TNFAIP8: variants seen among roughly 807,000 people sequenced by gnomAD.
TNFAIP8 encodes the protein TNF alpha induced protein 8.
TNFAIP8 carries 7 observed loss-of-function variants against 13.3 expected under a neutral mutation model. The ratio of observed to expected loss-of-function variants is 0.52; its 90% confidence interval spans 0.30 to 0.99. The LOEUF (loss-of-function observed/expected upper bound fraction) is 0.99, where lower values mean the gene tolerates loss of function less well. Ranked by LOEUF, TNFAIP8 falls within the 50% of genes least tolerant of loss-of-function variation. The probability of loss-of-function intolerance (pLI) is 0.07; values close to 1 mark genes in which losing one functional copy is unlikely to be tolerated. For missense variants in TNFAIP8, 258 were observed against 236.9 expected (o/e 1.09, Z -0.58); for synonymous variants, 94 against 87.6 (o/e 1.07, Z -0.41).
At chr5:119,356,366 A>C (rs573979498) in intron 1 of TNFAIP8, among the ~76,000 whole-genome samples, 13 of 152,000 alleles carry the variant, frequency 8.6e-5, no homozygotes, top group African/African-American at 3.1e-4. Context: ...CCAGCCCACT[A>C]AGTCTGCTTT....
intron 1 of TNFAIP8, among the ~76,000 whole-genome samples, chr5:119,270,532 G>T (rs1748261261): frequency 6.6e-6 from 1 of 152,210 alleles, no homozygotes; most frequent in African/African-American, 2.4e-5. Flanking sequence ...GAGTAACTGG[G>T]ACTACAGGGG....
rs112600379 is a variant in TNFAIP8 at position 119,274,736 on chromosome 5, A to G, written c.1+5829A>G. On this transcript the variant is annotated intron_variant, in intron 1 of 1. Transcript: ENST00000274456. ...CTGTGGTGCTTATCACCTCCCTGGC[A>G]GGGAAGCTCTGCCCAGGTAGGGTAG... Among the ~76,000 whole-genome samples, 446 of 152,338 alleles carry G rather than the reference A, an allele frequency of 2.9e-3. 2 individuals are homozygous for G. The highest frequency in any genetic ancestry group is 0.01 in the African/African-American group (424 of 41,576).
chr5:119,372,686 A>T (rs147126805), intron 1 of TNFAIP8, among the ~76,000 whole-genome samples: 22 of 152,294 alleles, frequency 1.4e-4, no homozygotes, highest in Admixed American at 1.4e-3. Context: ...GTGGCTGGGC[A>T]CTATGGCTCA....
chr5:119,393,223 C>T lies in TNFAIP8; in HGVS notation c.439C>T (p.Leu147Phe). 6.2e-7 allele frequency: 1 copy of T among 1,614,020 alleles called. No individual in the cohort carries two copies. The highest frequency in any genetic ancestry group is 8.5e-7 in the Non-Finnish European group (1 of 1,179,896). The change falls in exon 2 of 2, where the codon CTC (leucine) becomes TTC (phenylalanine). Residue 147 changes from leucine to phenylalanine, a missense_variant. Transcript: ENST00000504771. ...GCTGCACCAAATCATTCAGCGCCACCTCACTGCCAAGTCACATGGACGGGT... is the reference window on the plus strand; with the variant it reads ...GCTGCACCAAATCATTCAGCGCCACTTCACTGCCAAGTCACATGGACGGGT... ...EMLHQIIQRH[L>F]TAKSHGRVNN...
At chr5:119,373,702 C>T (rs1752173706) in intron 1 of TNFAIP8, among the ~76,000 whole-genome samples, 1 of 152,150 alleles carries the variant, frequency 6.6e-6, no homozygotes, top group African/African-American at 2.4e-5. Flanking sequence ...AAATATGGTA[C>T]GTATGCCACT....
intron 1 of TNFAIP8, among the ~76,000 whole-genome samples, chr5:119,347,860 C>T (rs1305215042): frequency 6.6e-6 from 1 of 152,170 alleles, no homozygotes; most frequent in Non-Finnish European, 1.5e-5. Context: ...CATCAGTTGG[C>T]ACAATTGTTA....
chr5:119,336,232 G>A (rs1004900167), intron 1 of TNFAIP8, among the ~76,000 whole-genome samples: 1 of 152,190 alleles, frequency 6.6e-6, no homozygotes, highest in Admixed American at 6.5e-5. Context: ...CAAATGCAAC[G>A]TAGGCCAAAG....
At chr5:119,390,985 A>T (rs1580453251) in intron 1 of TNFAIP8, among the ~76,000 whole-genome samples, 1 of 137,546 alleles carries the variant, frequency 7.3e-6, no homozygotes, top group African/African-American at 2.7e-5. Flanking sequence ...CACCTGGCTA[A>T]TTTTTTTTTT....
At chr5:119,318,556 A>C (rs911437741) in intron 1 of TNFAIP8, among the ~76,000 whole-genome samples, 1 of 152,158 alleles carries the variant, frequency 6.6e-6, no homozygotes, top group Admixed American at 6.5e-5. Context: ...TCAGTCTCCC[A>C]AAATGCTGAG....
At chr5:119,311,552 G>A (rs1269400313) in intron 1 of TNFAIP8, among the ~76,000 whole-genome samples, 2 of 151,842 alleles carry the variant, frequency 1.3e-5, no homozygotes, top group African/African-American at 2.4e-5. Flanking sequence ...TTAACTGGGT[G>A]TGGTGGCGCA....
chr5:119,314,178 CAA>C (rs1749814602), intron 1 of TNFAIP8, among the ~76,000 whole-genome samples: 2 of 138,356 alleles, frequency 1.4e-5, no homozygotes, highest in East Asian at 4.5e-4. Context: ...TAAAAACAAA[CAA>C]ACAAACAAAC....
chr5:119,323,737 G>A (rs1023170200), intron 1 of TNFAIP8, among the ~76,000 whole-genome samples: 6 of 152,190 alleles, frequency 3.9e-5, no homozygotes, highest in African/African-American at 1.4e-4. Context: ...GCTGCCAGAT[G>A]GGGACACAGG....
chr5:119,281,044 C>T (rs905444232), intron 1 of TNFAIP8, among the ~76,000 whole-genome samples: 2 of 152,048 alleles, frequency 1.3e-5, no homozygotes, highest in African/African-American at 2.4e-5. Context: ...CCCCTAAGTC[C>T]TCCTGACCTG....
At chr5:119,286,417 C>G (rs35688882) in intron 1 of TNFAIP8, among the ~76,000 whole-genome samples, 9,322 of 152,140 alleles carry the variant, frequency 0.061, 374 homozygotes, top group Non-Finnish European at 0.094. Context: ...GTCAGGAGAT[C>G]GAGACCATCC....
chr5:119,305,930 G>A (rs1002762864), intron 1 of TNFAIP8, among the ~76,000 whole-genome samples: 9 of 152,272 alleles, frequency 5.9e-5, no homozygotes, highest in East Asian at 5.8e-4. Context: ...TACCTGTGCC[G>A]TGCACCTGGC....
At chr5:119,295,610 C>A (rs556668570) in intron 1 of TNFAIP8, among the ~76,000 whole-genome samples, 2 of 151,952 alleles carry the variant, frequency 1.3e-5, no homozygotes, top group Non-Finnish European at 2.9e-5. Flanking sequence ...CTTGGCTATG[C>A]GGGCTCTTTT....
In TNFAIP8 at chr5:119,299,835, C is replaced by T. The variant is rs893677418; in HGVS notation, c.1+30928C>T. 3.9e-5 allele frequency among the ~76,000 whole-genome samples: 6 copies of T among 152,198 alleles called. No individual in the cohort carries two copies. In the East Asian group the frequency reaches 9.6e-4, roughly 24 times the overall value. ...ATGGCGGGCGCCCTTCCCCCAGCCTCGCTGCTGCCTTGCAGTTTGATCTCA... is the reference window on the plus strand; with the variant it reads ...ATGGCGGGCGCCCTTCCCCCAGCCTTGCTGCTGCCTTGCAGTTTGATCTCA... On this transcript the variant is annotated intron_variant, in intron 1 of 1. Coordinates refer to the TNFAIP8 transcript ENST00000274456.
intron 1 of TNFAIP8, among the ~76,000 whole-genome samples, chr5:119,367,591 T>G (rs1216552704): frequency 6.6e-6 from 1 of 152,210 alleles, no homozygotes; most frequent in Admixed American, 6.5e-5. Context: ...GCCAGATTTT[T>G]AAAAAAATGT....
rs6891981 is a variant in TNFAIP8 at position 119,394,756 on chromosome 5, A to G, written c.*1375A>G. ...CAAGTAGCTGGGATTACAGGCATGC[A>G]CCACCACACCCAGCTAATTTTTGTA... is the stretch of plus-strand genomic sequence containing the variant. On this transcript the variant is annotated 3_prime_UTR_variant, in exon 2 of 2. Coordinates refer to ENST00000504771, the MANE Select transcript of TNFAIP8 (RefSeq NM_014350.4). 0.093 allele frequency: 14,107 copies of G among 151,550 alleles called. 957 individuals are homozygous for G. The highest frequency in any genetic ancestry group is 0.21 in the African/African-American group (8,512 of 41,138). The allele number at this position is 151,550 out of a possible 1,614,324, so 9.4% of individuals were successfully genotyped here.
Sources: gnomAD v4.1 joint callset for allele counts (sites outside exome capture counted in the v4.1 genomes callset) on GRCh38, gnomAD v4.1.1 for gene constraint, MANE v1.5 for transcripts, NCBI Gene and HGNC (gene_info 2026-07-23, HGNC 2026-07-21) for gene names.